Variants in KIAA1671 observed in about 807,000 individuals in gnomAD.
KIAA1671 encodes the protein KIAA1671, also known as uncharacterized protein KIAA1671.
KIAA1671 carries 52 observed loss-of-function variants against 131.2 expected under a neutral mutation model. The observed-to-expected ratio is 0.40, with a 90% CI of 0.32 to 0.50. The LOEUF (loss-of-function observed/expected upper bound fraction) is 0.50, where lower values mean the gene tolerates loss of function less well. KIAA1671 is among the 20% of genes least tolerant of loss of function. The probability of loss-of-function intolerance (pLI) is 0.73; values close to 1 mark genes in which losing one functional copy is unlikely to be tolerated. For synonymous variants in KIAA1671, 1,003 were observed against 961.6 expected, an observed-to-expected ratio of 1.04 and a Z score of -0.80; for missense variants, 2,360 against 2,364.2, an observed-to-expected ratio of 1.00 and a Z score of 0.04.
At chr22:25,130,895 C>T (rs531467690) in intron 6 of KIAA1671, among the ~76,000 whole-genome samples, 1 of 152,346 alleles carries the variant, frequency 6.6e-6, no homozygotes, top group Non-Finnish European at 1.5e-5. Context: ...CAGGGCCCCA[C>T]CTCCCATAAC....
At chr22:25,140,582 G>A (rs1028323733) in intron 6 of KIAA1671, among the ~76,000 whole-genome samples, 1 of 152,152 alleles carries the variant, frequency 6.6e-6, no homozygotes, top group Non-Finnish European at 1.5e-5. Flanking sequence ...GGTTCTGCCT[G>A]CACCCAAGGG....
chr22:25,169,438 AAG>A (rs1491217168), intron 6 of KIAA1671, among the ~76,000 whole-genome samples: 2 of 134,898 alleles, frequency 1.5e-5, no homozygotes, highest in Non-Finnish European at 3.2e-5. Context: ...AAAAAAAAAA[AAG>A]GTGACTGAGA....
chr22:25,035,889 G>A (rs1926563369), intron 4 of KIAA1671, among the ~76,000 whole-genome samples: 1 of 152,108 alleles, frequency 6.6e-6, no homozygotes, highest in Admixed American at 6.5e-5. Context: ...GTGTGTGTAT[G>A]TGGGTGTGTT....
rs57822676 is a variant in KIAA1671 at position 25,156,012 on chromosome 22, C to CTTTTTTTTTT, written c.4531-14790_4531-14781dup. Among the ~76,000 whole-genome samples, 24 of 35,344 alleles carry CTTTTTTTTTT rather than the reference C, an allele frequency of 6.8e-4. 9 individuals carry two copies. Among genetic ancestry groups the CTTTTTTTTTT allele is most frequent in the Non-Finnish European group, 1.3e-3 (19 of 15,020 alleles). The allele number at this position is 35,344 out of a possible 152,430, so 23.2% of individuals were successfully genotyped here. A position where few individuals can be genotyped will look rare whatever the true frequency, so the allele number is the denominator to read the frequency against. On this transcript the variant is annotated intron_variant, in intron 6 of 12. Transcript: ENST00000358431. ...TTTTGTGCATGTATGTGTGTATGTGCTTTTTTTTTTTTTTTTTTTTTTTTT... is the reference window on the plus strand; with the variant it reads ...TTTTGTGCATGTATGTGTGTATGTGCTTTTTTTTTTTTTTTTTTTTTTTTTTTTTTTTTTT...
chr22:24,963,876 C>T (rs974798168), intron 1 of KIAA1671, among the ~76,000 whole-genome samples: 1 of 145,892 alleles, frequency 6.9e-6, no homozygotes, highest in Non-Finnish European at 1.5e-5. Context: ...GGAGGCGGAG[C>T]TTGCAGTGAG....
chr22:25,015,042 T>C (rs1413320306), intron 1 of KIAA1671: 1 of 152,090 alleles, frequency 6.6e-6, no homozygotes, highest in Admixed American at 6.6e-5. Flanking sequence ...AAGCCATAGA[T>C]AGTCTGGGCA....
rs1926804732 is a variant in KIAA1671, at chr22:25,039,648, G to C, written c.2518G>C (p.Glu840Gln). 2 of 1,544,850 alleles carry C rather than the reference G, an allele frequency of 1.3e-6. No individual in the cohort carries two copies. The highest frequency in any genetic ancestry group is 1.2e-5 in the South Asian group (1 of 83,334). ...CAAAGCCACCGTGGCAGTCAGCGAA[G>C]AGCACTGTGCTCCCGGGGCCACCTC... ...SHKATVAVSE[E>Q]HCAPGATSVR... The change falls in exon 5 of 13, where the codon GAG becomes CAG. Residue 840 changes from glutamate to glutamine, a missense_variant. Transcript: ENST00000358431.
At chr22:25,109,243 G>A (rs1253184863) in intron 6 of KIAA1671, among the ~76,000 whole-genome samples, 1 of 151,954 alleles carries the variant, frequency 6.6e-6, no homozygotes, top group Admixed American at 6.5e-5. Flanking sequence ...CCAAGTAGCT[G>A]GTATTACAGG....
chr22:25,115,680 T>G (rs980964261), intron 6 of KIAA1671, among the ~76,000 whole-genome samples: 1 of 152,218 alleles, frequency 6.6e-6, no homozygotes, highest in Non-Finnish European at 1.5e-5. Flanking sequence ...AACCTGTGTT[T>G]GTATTTACTG....
chr22:25,005,459 G>A (rs892093719), intron 1 of KIAA1671, among the ~76,000 whole-genome samples: 4 of 152,068 alleles, frequency 2.6e-5, no homozygotes, highest in Admixed American at 1.3e-4. Context: ...TAGTTAATAC[G>A]GATGATGGAT....
intron 6 of KIAA1671, chr22:25,053,400 T>C (rs372008070): frequency 1.6e-4 from 24 of 152,326 alleles, no homozygotes; most frequent in East Asian, 1.5e-3. Flanking sequence ...TTGTGGACTG[T>C]GACCTCGAGT....
chr22:25,074,906 T>C (rs919179975), intron 6 of KIAA1671, among the ~76,000 whole-genome samples: 16 of 150,864 alleles, frequency 1.1e-4, no homozygotes, highest in African/African-American at 3.9e-4. Flanking sequence ...AGAAGAGGGA[T>C]TGGTGGATCT....
chr22:25,192,016 TAATA>T (rs1450480835), intron 12 of KIAA1671, among the ~76,000 whole-genome samples: 1 of 152,196 alleles, frequency 6.6e-6, no homozygotes, highest in Non-Finnish European at 1.5e-5. Context: ...TGTGTATGTA[TAATA>T]AATACTAAAA....
At chr22:25,050,654 A>C (rs1927484870) in intron 6 of KIAA1671, 1 of 152,244 alleles carries the variant, frequency 6.6e-6, no homozygotes, top group Non-Finnish European at 1.5e-5. Context: ...GTGATGCAGA[A>C]CAGCCACAAC....
intron 6 of KIAA1671, among the ~76,000 whole-genome samples, chr22:25,108,781 T>C (rs889565558): frequency 2.6e-5 from 4 of 152,196 alleles, no homozygotes; most frequent in African/African-American, 9.6e-5. Context: ...CTGTGATGTC[T>C]ATGGGCCAGG....
chr22:25,162,313 G>A (rs549929163), intron 6 of KIAA1671, among the ~76,000 whole-genome samples: 1 of 152,340 alleles, frequency 6.6e-6, no homozygotes, highest in South Asian at 2.1e-4. Flanking sequence ...CGCTGGCCTG[G>A]GCCCCATGAC....
Position 25,037,349 on chromosome 22 carries a change from CA to C in KIAA1671, c.1630-1404del, listed in dbSNP as rs1223387532. On this transcript the variant is annotated intron_variant, in intron 4 of 12. Transcript: ENST00000358431. Reference sequence around the variant, plus strand: ...AAAATATGTATATATGTGTATATTGCAAAAAAATATATATGTGTATATATGT... The same window carrying C: ...AAAATATGTATATATGTGTATATTGCAAAAAATATATATGTGTATATATGT... Among the ~76,000 whole-genome samples, 169 of 151,084 alleles carry C rather than the reference CA, an allele frequency of 1.1e-3. 1 individual carries two copies. The highest frequency in any genetic ancestry group is 3.8e-3 in the African/African-American group (156 of 41,170).
intron 6 of KIAA1671, among the ~76,000 whole-genome samples, chr22:25,098,503 T>C (rs957948611): frequency 3.9e-5 from 6 of 152,042 alleles, no homozygotes; most frequent in Non-Finnish European, 8.8e-5. Context: ...ATTATTAAAG[T>C]GTAAGCGGAA....
At chr22:24,986,101 C>T (rs1923516322) in intron 1 of KIAA1671, among the ~76,000 whole-genome samples, 1 of 152,182 alleles carries the variant, frequency 6.6e-6, no homozygotes, top group Non-Finnish European at 1.5e-5. Flanking sequence ...TCAGATGAAT[C>T]ACGTCCTCTC....
Sources: gnomAD v4.1 joint callset for allele counts (sites outside exome capture counted in the v4.1 genomes callset) on GRCh38, gnomAD v4.1.1 for gene constraint, MANE v1.5 for transcripts, NCBI Gene and HGNC (gene_info 2026-07-23, HGNC 2026-07-21) for gene names.